ASTN2: variants seen among roughly 807,000 people sequenced by gnomAD.
ASTN2 encodes astrotactin 2, also known as astrotactin-2.
A neutral mutation model predicts 139.8 loss-of-function variants in ASTN2; 54 were observed. That is an observed-to-expected ratio of 0.39 (90% CI 0.31 to 0.48). The LOEUF (loss-of-function observed/expected upper bound fraction) is 0.48, where lower values mean the gene tolerates loss of function less well. Ranked by LOEUF, ASTN2 falls within the 20% of genes least tolerant of loss-of-function variation. The probability of loss-of-function intolerance (pLI) is 0.95; values close to 1 mark genes in which losing one functional copy is unlikely to be tolerated. For missense variants in ASTN2, 1,565 were observed against 1,725.1 expected, an observed-to-expected ratio of 0.91 and a Z score of 1.64; for synonymous variants, 756 against 719.5, an observed-to-expected ratio of 1.05 and a Z score of -0.81.
intron 1 of ASTN2, among the ~76,000 whole-genome samples, chr9:117,385,321 G>A (rs1830368747): frequency 6.6e-6 from 1 of 151,894 alleles, no homozygotes; most frequent in African/African-American, 2.4e-5. Flanking sequence ...TCACCTACTG[G>A]GAACCATAAC....
intron 19 of ASTN2, chr9:116,579,021 C>T (rs1402402668): frequency 2.0e-5 from 3 of 151,834 alleles, no homozygotes; most frequent in Non-Finnish European, 4.4e-5. Flanking sequence ...AAGTGAGGCA[C>T]CTGTGATTCT....
At chr9:117,037,379 G>A (rs1434325350) in intron 6 of ASTN2, among the ~76,000 whole-genome samples, 1 of 152,110 alleles carries the variant, frequency 6.6e-6, no homozygotes, top group Non-Finnish European at 1.5e-5. Flanking sequence ...GCCACATGCT[G>A]TCTGAAAATC....
At chr9:116,883,577 G>A (rs1833512041) in intron 10 of ASTN2, among the ~76,000 whole-genome samples, 1 of 152,162 alleles carries the variant, frequency 6.6e-6, no homozygotes. Context: ...TGCTGAGCAG[G>A]TGAACTGACA....
chr9:116,570,730 T>C (rs1001462216), intron 19 of ASTN2, among the ~76,000 whole-genome samples: 3 of 152,172 alleles, frequency 2.0e-5, no homozygotes, highest in South Asian at 2.1e-4. Flanking sequence ...GCACCCTGCA[T>C]TGATCTGGGC....
At chr9:116,760,254 C>A (rs1829641857) in intron 13 of ASTN2, among the ~76,000 whole-genome samples, 1 of 152,190 alleles carries the variant, frequency 6.6e-6, no homozygotes, top group South Asian at 2.1e-4. Flanking sequence ...GGAGAAAGGC[C>A]TCCACTAAGC....
chr9:117,213,006 A>C lies in ASTN2; in HGVS notation c.1015+1352T>G, dbSNP rs145256377. On this transcript the variant is annotated intron_variant, in intron 3 of 22. Transcript: ENST00000313400. The stretch of plus-strand genomic sequence containing the variant: ...CTGCATGCTTACTGCAGGATTATCC[A>C]CAATAGTCAAGATATGGAATCAACC... Among the ~76,000 whole-genome samples, 318 of 152,338 alleles carry C rather than the reference A, an allele frequency of 2.1e-3. 3 individuals are homozygous for C. The highest frequency in any genetic ancestry group is 7.4e-3 in the African/African-American group (309 of 41,580).
chr9:117,207,636 C>A (rs1588081548), intron 3 of ASTN2, among the ~76,000 whole-genome samples: 1 of 152,312 alleles, frequency 6.6e-6, no homozygotes, highest in East Asian at 1.9e-4. Context: ...AGCTATACTC[C>A]CACATTCTGA....
chr9:117,229,456 C>G (rs1021702152), intron 2 of ASTN2, among the ~76,000 whole-genome samples: 84 of 152,128 alleles, frequency 5.5e-4, no homozygotes, highest in African/African-American at 2.0e-3. Context: ...TTAACTGAAT[C>G]CCAGGGTAAA....
intron 16 of ASTN2, among the ~76,000 whole-genome samples, chr9:116,681,825 T>C (rs945893663): frequency 2.0e-5 from 3 of 151,714 alleles, no homozygotes; most frequent in Admixed American, 6.6e-5. Context: ...TAGCCATATG[T>C]AGAAAGCTGA....
intron 11 of ASTN2, among the ~76,000 whole-genome samples, chr9:116,831,499 T>C (rs1439119053): frequency 1.3e-5 from 2 of 152,086 alleles, no homozygotes; most frequent in Non-Finnish European, 2.9e-5. Flanking sequence ...GAGCTGAAAA[T>C]GTAGTAGTAA....
At chr9:116,743,374 C>A (rs2132141354) in intron 13 of ASTN2, among the ~76,000 whole-genome samples, 1 of 152,242 alleles carries the variant, frequency 6.6e-6, no homozygotes. Flanking sequence ...CATGGTGAAA[C>A]CCCGCCTCTA....
intron 16 of ASTN2, among the ~76,000 whole-genome samples, chr9:116,674,961 T>C (rs911623780): frequency 6.6e-6 from 1 of 151,834 alleles, no homozygotes; most frequent in African/African-American, 2.4e-5. Context: ...CTTGAATTAC[T>C]CTTTCTCCAT....
intron 10 of ASTN2, among the ~76,000 whole-genome samples, chr9:116,923,441 T>C (rs998137606): frequency 6.6e-6 from 1 of 152,232 alleles, no homozygotes; most frequent in Non-Finnish European, 1.5e-5. Flanking sequence ...CTTGATGCCC[T>C]TGTCTTTACA....
rs550857134 is a variant in ASTN2, at chr9:117,385,959, T to A, written c.442+28538A>T. 2.0e-4 allele frequency among the ~76,000 whole-genome samples: 31 copies of A among 151,526 alleles called. No individual in the cohort carries two copies. The South Asian group carries it at 6.5e-3, about 32-fold the overall frequency. ...TTTGGGGCCAGCCCCAAAGGGGCAA[T>A]GGTGGGGGATGATAATAGATGAAGG... is the stretch of plus-strand genomic sequence containing the variant. On this transcript the variant is annotated intron_variant, in intron 1 of 22. Transcript: ENST00000313400.
intron 7 of ASTN2, among the ~76,000 whole-genome samples, chr9:116,984,279 T>C (rs1033403624): frequency 6.6e-6 from 1 of 152,204 alleles, no homozygotes; most frequent in Admixed American, 6.5e-5. Flanking sequence ...CTGATCTGAC[T>C]GTTGGCCAGT....
chr9:116,743,666 G>T (rs1327140489), intron 13 of ASTN2, among the ~76,000 whole-genome samples: 1 of 152,048 alleles, frequency 6.6e-6, no homozygotes, highest in Non-Finnish European at 1.5e-5. Flanking sequence ...CCACCCCACC[G>T]AGCTAATTGT....
At chr9:117,367,236 G>T (rs1416115555) in intron 1 of ASTN2, among the ~76,000 whole-genome samples, 1 of 152,176 alleles carries the variant, frequency 6.6e-6, no homozygotes, top group Non-Finnish European at 1.5e-5. Context: ...TATTGTGCAG[G>T]ATTCTCTCAG....
chr9:117,224,351 T>A (rs1474881183), intron 2 of ASTN2, among the ~76,000 whole-genome samples: 1 of 152,214 alleles, frequency 6.6e-6, no homozygotes, highest in Non-Finnish European at 1.5e-5. Flanking sequence ...GCTAATAGCT[T>A]GCAAGTAGTG....
chr9:116,906,867 T>C (rs1040560106), intron 10 of ASTN2, among the ~76,000 whole-genome samples: 4 of 152,210 alleles, frequency 2.6e-5, no homozygotes, highest in African/African-American at 9.6e-5. Flanking sequence ...GTTAGAGTTT[T>C]ATATTATTAT....
Sources: gnomAD v4.1 joint callset for allele counts (sites outside exome capture counted in the v4.1 genomes callset) on GRCh38, gnomAD v4.1.1 for gene constraint, MANE v1.5 for transcripts, NCBI Gene and HGNC (gene_info 2026-07-23, HGNC 2026-07-21) for gene names.